SMARCA2: variants seen among roughly 807,000 people sequenced by gnomAD.
The protein encoded by SMARCA2 is SWI/SNF related BAF chromatin remodeling complex subunit ATPase 2.
Under a neutral mutation model 199.8 loss-of-function variants are expected in SMARCA2, and 61 were observed. That is an observed-to-expected ratio of 0.31 (90% CI 0.25 to 0.38). The LOEUF is 0.38. SMARCA2 is among the 10% of genes least tolerant of loss of function. The pLI is 1.00. For synonymous variants in SMARCA2, 935 were observed against 732.0 expected (o/e 1.28, Z -4.48); for missense variants, 1,344 against 2,012.2 (o/e 0.67, Z 6.35).
chr9:2,159,632 T>C, intron 27 of SMARCA2: 1 of 608,896 alleles, frequency 1.6e-6, no homozygotes, highest in Non-Finnish European at 2.6e-6. Flanking sequence ...GAAAAAAATA[T>C]GATAAGTAGT....
intron 25 of SMARCA2, among the ~76,000 whole-genome samples, chr9:2,118,294 A>T (rs1242199322): frequency 6.6e-6 from 1 of 152,218 alleles, no homozygotes; most frequent in African/African-American, 2.4e-5. Context: ...CTGGAGGCAA[A>T]CTAGAATAGA....
intron 19 of SMARCA2, among the ~76,000 whole-genome samples, chr9:2,091,589 G>A (rs1029443643): frequency 1.3e-5 from 2 of 152,310 alleles, no homozygotes; most frequent in African/African-American, 4.8e-5. Flanking sequence ...TGTGAACATA[G>A]GTTTGCATTT....
intron 24 of SMARCA2, among the ~76,000 whole-genome samples, chr9:2,113,943 G>T (rs747911227): frequency 3.3e-5 from 5 of 152,162 alleles, no homozygotes; most frequent in Non-Finnish European, 5.9e-5. Context: ...GAAAATGGTG[G>T]GGAAAAAGAG....
intron 27 of SMARCA2, among the ~76,000 whole-genome samples, chr9:2,132,305 C>A (rs1361636339): frequency 6.6e-6 from 1 of 152,196 alleles, no homozygotes; most frequent in African/African-American, 2.4e-5. Flanking sequence ...CAAGCTAATG[C>A]CTCCTCTGGG....
intron 1 of SMARCA2, among the ~76,000 whole-genome samples, chr9:2,015,717 A>G (rs911521396): frequency 5.3e-5 from 8 of 152,186 alleles, no homozygotes; most frequent in Non-Finnish European, 1.2e-4. Flanking sequence ...AATAATTACT[A>G]CTTCAAGGGG....
rs944882401 is a variant in SMARCA2 at position 2,147,852 on chromosome 9, A to G, written c.3982-13834A>G. Among the ~76,000 whole-genome samples, 4 of 151,324 alleles carry G rather than the reference A, an allele frequency of 2.6e-5. 1 individual carries two copies. The highest frequency in any genetic ancestry group is 4.4e-5 in the Non-Finnish European group (3 of 67,612). On this transcript the variant is annotated intron_variant, in intron 27 of 33. Transcript: ENST00000349721. ...GACAGAGCCAGACTCCGTCTCAAAAAAAAAAAGTAGGGCCTCACCCAGGCT... is the reference window on the plus strand; with the variant it reads ...GACAGAGCCAGACTCCGTCTCAAAAGAAAAAAGTAGGGCCTCACCCAGGCT...
intron 1 of SMARCA2, among the ~76,000 whole-genome samples, chr9:2,025,572 C>T (rs1818792363): frequency 6.6e-6 from 1 of 152,180 alleles, no homozygotes; most frequent in South Asian, 2.1e-4. Context: ...CACCCTATCT[C>T]TATTGTCTCA....
intron 13 of SMARCA2, among the ~76,000 whole-genome samples, chr9:2,076,926 C>T (rs1271987320): frequency 6.6e-6 from 1 of 152,122 alleles, no homozygotes; most frequent in African/African-American, 2.4e-5. Flanking sequence ...TAAAAGAAAA[C>T]TGTTGTGAAA....
rs762052268 is a variant in SMARCA2, at chr9:2,083,353, A to G, written c.2355A>G (p.Leu785=). 3.8e-6 allele frequency: 6 copies of G among 1,587,536 alleles called. No individual in the cohort carries two copies. The highest frequency in any genetic ancestry group is 4.3e-6 in the Non-Finnish European group (5 of 1,165,434). ...TTTTTTTTTTGTTCCATAGGACTCT[A>G]TCTAACTGGACATATGAATTTGACA... The part of the protein sequence containing the change: ...PYLIIVPLST[L]SNWTYEFDKW... Residue 785 remains leucine, a synonymous_variant, in exon 16 of 34, where the codon CTA becomes CTG. Coordinates refer to ENST00000349721, the MANE Select transcript of SMARCA2 (RefSeq NM_003070.5).
intron 21 of SMARCA2, among the ~76,000 whole-genome samples, chr9:2,100,948 G>C (rs973320605): frequency 2.6e-5 from 4 of 152,036 alleles, no homozygotes; most frequent in African/African-American, 9.7e-5. Flanking sequence ...TTACATGGTG[G>C]CAGACAAGAG....
At chr9:2,111,582 G>C (rs375277543) in intron 24 of SMARCA2, among the ~76,000 whole-genome samples, 10 of 151,666 alleles carry the variant, frequency 6.6e-5, no homozygotes, top group African/African-American at 2.4e-4. Context: ...TAGGCTCCTC[G>C]TTGAGCCCTG....
At chr9:2,103,084 T>A (rs912510723) in intron 22 of SMARCA2, among the ~76,000 whole-genome samples, 1 of 152,076 alleles carries the variant, frequency 6.6e-6, no homozygotes, top group Non-Finnish European at 1.5e-5. Context: ...GTTCTTCACC[T>A]GGATGCCTTT....
At chr9:2,099,177 A>G (rs935761625) in intron 21 of SMARCA2, among the ~76,000 whole-genome samples, 2 of 152,274 alleles carry the variant, frequency 1.3e-5, no homozygotes, top group South Asian at 4.1e-4. Flanking sequence ...TTGTAAACTG[A>G]TGATGTGTTA....
intron 10 of SMARCA2, 72 bp from the exon 11 acceptor site, chr9:2,073,140 G>C: frequency 6.4e-7 from 1 of 1,554,916 alleles, no homozygotes; most frequent in Middle Eastern, 1.7e-4. Flanking sequence ...AAAAACTGCT[G>C]AGAAACGTCC....
intron 27 of SMARCA2, among the ~76,000 whole-genome samples, chr9:2,151,629 A>T (rs1825086730): frequency 6.6e-6 from 1 of 152,108 alleles, no homozygotes; most frequent in African/African-American, 2.4e-5. Flanking sequence ...AGCTATTGGG[A>T]GGCTGAGACA....
chr9:2,031,520 A>T (rs1300120233), intron 2 of SMARCA2, among the ~76,000 whole-genome samples: 1 of 152,234 alleles, frequency 6.6e-6, no homozygotes, highest in African/African-American at 2.4e-5. Flanking sequence ...GCAGTTAAAA[A>T]TTCAATGTGT....
At chr9:2,018,526 TAC>T (rs1174969005) in intron 1 of SMARCA2, among the ~76,000 whole-genome samples, 1 of 152,240 alleles carries the variant, frequency 6.6e-6, no homozygotes, top group Non-Finnish European at 1.5e-5. Context: ...ACATTAAGGA[TAC>T]ACAGTTTGTT....
intron 4 of SMARCA2, 146 bp from the exon 5 acceptor site, chr9:2,047,083 C>CTT (rs113139565): frequency 7.1e-4 from 273 of 383,646 alleles, no homozygotes; most frequent in Non-Finnish European, 8.7e-4. Context: ...TCTTGCCCTC[C>CTT]TTTTTTTTTT....
chr9:2,125,357 G>A (rs1823641983), intron 27 of SMARCA2, among the ~76,000 whole-genome samples: 1 of 152,092 alleles, frequency 6.6e-6, no homozygotes, highest in African/African-American at 2.4e-5. Flanking sequence ...TATGTAATTA[G>A]GATTCATTCT....
Sources: allele counts gnomAD v4.1 joint callset (sites outside exome capture counted in the v4.1 genomes callset), GRCh38; gene constraint gnomAD v4.1.1; transcripts MANE v1.5; gene names NCBI Gene and HGNC (gene_info 2026-07-23, HGNC 2026-07-21).